COTL1: variants seen among roughly 807,000 people sequenced by gnomAD.
COTL1 encodes coactosin-like protein.
A neutral mutation model predicts 16.5 loss-of-function variants in COTL1; 15 were observed. The observed-to-expected ratio is 0.91, with a 90% confidence interval of 0.61 to 1.40. The LOEUF is 1.40. COTL1 is among the 40% of genes most tolerant of loss of function. The pLI is 0.00. For synonymous variants in COTL1, 112 were observed against 85.3 expected (o/e 1.31, Z -1.73); for missense variants, 220 against 201.5 (o/e 1.09, Z -0.56).
intron 3 of COTL1, among the ~76,000 whole-genome samples, chr16:84,579,414 G>A (rs924176718): frequency 2.0e-5 from 3 of 152,208 alleles, no homozygotes; most frequent in Non-Finnish European, 2.9e-5. Flanking sequence ...CTTGAACCAC[G>A]AGGCAGAGGT....
chr16:84,601,040 G>A (rs1380231302), intron 2 of COTL1, among the ~76,000 whole-genome samples: 1 of 152,160 alleles, frequency 6.6e-6, no homozygotes, highest in Non-Finnish European at 1.5e-5. Context: ...AGTCCCTGGA[G>A]GCTCTGAGGA....
intron 2 of COTL1, among the ~76,000 whole-genome samples, chr16:84,591,474 G>A (rs1325076128): frequency 2.8e-5 from 4 of 144,652 alleles, no homozygotes; most frequent in African/African-American, 1.1e-4. Context: ...GTGAGCCACC[G>A]CGCCCAGCCT....
intron 3 of COTL1, among the ~76,000 whole-genome samples, chr16:84,587,781 T>C (rs1047040466): frequency 1.3e-5 from 2 of 151,868 alleles, no homozygotes; most frequent in Non-Finnish European, 2.9e-5. Flanking sequence ...ATTATTTATT[T>C]ATTTATTTAT....
intron 2 of COTL1, among the ~76,000 whole-genome samples, chr16:84,607,623 C>T (rs890251101): frequency 1.3e-5 from 2 of 152,110 alleles, no homozygotes; most frequent in South Asian, 2.1e-4. Flanking sequence ...GGGACACACA[C>T]TGGAGGGGTC....
At chr16:84,615,853 T>TTGTGTG (rs112335989) in intron 2 of COTL1, among the ~76,000 whole-genome samples, 2,860 of 149,740 alleles carry the variant, frequency 0.019, 61 homozygotes, top group African/African-American at 0.053. Flanking sequence ...AATTTTAGTT[T>TTGTGTG]TGTGTGTGTG....
At chr16:84,604,895 T>A (rs1905181680) in intron 2 of COTL1, among the ~76,000 whole-genome samples, 1 of 152,252 alleles carries the variant, frequency 6.6e-6, no homozygotes, top group South Asian at 2.1e-4. Flanking sequence ...CGTAGAATTC[T>A]AGCCAGAAAC....
chr16:84,576,572 GA>G (rs1904458104), intron 3 of COTL1: 1 of 152,218 alleles, frequency 6.6e-6, no homozygotes, highest in Admixed American at 6.6e-5. Flanking sequence ...AGCGGGCTCT[GA>G]AATGCCCGGA....
intron 3 of COTL1, among the ~76,000 whole-genome samples, chr16:84,571,518 C>G (rs1008733152): frequency 6.6e-6 from 1 of 152,210 alleles, no homozygotes; most frequent in South Asian, 2.1e-4. Context: ...TCTCTCCCCC[C>G]TGCCCATCAG....
chr16:84,584,962 A>G (rs966690324), intron 3 of COTL1, among the ~76,000 whole-genome samples: 2 of 152,208 alleles, frequency 1.3e-5, no homozygotes, highest in Admixed American at 1.3e-4. Context: ...CCACCGTACT[A>G]CACCTTCCCC....
intron 2 of COTL1, among the ~76,000 whole-genome samples, chr16:84,615,185 A>G (rs565587775): frequency 6.6e-6 from 1 of 152,322 alleles, no homozygotes; most frequent in East Asian, 1.9e-4. Flanking sequence ...TAATTCTCCT[A>G]TGCATTTGTC....
chr16:84,572,753 CT>C (rs988869256), intron 3 of COTL1, among the ~76,000 whole-genome samples: 1 of 149,768 alleles, frequency 6.7e-6, no homozygotes, highest in Non-Finnish European at 1.5e-5. Context: ...TCTTTCTTTC[CT>C]TTTTTTTCTT....
At chr16:84,613,418 A>G (rs945492374) in intron 2 of COTL1, among the ~76,000 whole-genome samples, 4 of 152,218 alleles carry the variant, frequency 2.6e-5, no homozygotes, top group Non-Finnish European at 5.9e-5. Flanking sequence ...ACCGCATGGT[A>G]GAAACCTCCA....
intron 2 of COTL1, among the ~76,000 whole-genome samples, chr16:84,608,673 A>AG (rs1905259574): frequency 6.6e-6 from 1 of 152,250 alleles, no homozygotes; most frequent in Non-Finnish European, 1.5e-5. Flanking sequence ...TGAGAGGCCA[A>AG]GGCAAGTGGA....
intron 2 of COTL1, among the ~76,000 whole-genome samples, chr16:84,614,095 G>C (rs530152337): frequency 6.6e-6 from 1 of 152,364 alleles, no homozygotes; most frequent in Non-Finnish European, 1.5e-5. Flanking sequence ...GGCAGTCTTT[G>C]CTGCTGCTAG....
intron 3 of COTL1, among the ~76,000 whole-genome samples, chr16:84,579,716 G>C (rs1434791685): frequency 6.6e-6 from 1 of 152,170 alleles, no homozygotes; most frequent in African/African-American, 2.4e-5. Context: ...AAGACTAAGC[G>C]TGTGTGCTTG....
At chr16:84,592,853 G>A (rs969662796) in intron 2 of COTL1, among the ~76,000 whole-genome samples, 3 of 152,180 alleles carry the variant, frequency 2.0e-5, no homozygotes, top group African/African-American at 7.2e-5. Flanking sequence ...GGGAGCTAAG[G>A]AACACGCAGC....
intron 2 of COTL1, among the ~76,000 whole-genome samples, chr16:84,611,897 T>C (rs1306026321): frequency 6.6e-6 from 1 of 152,078 alleles, no homozygotes; most frequent in Non-Finnish European, 1.5e-5. Context: ...TGTGGCCAGG[T>C]AGATCATACA....
At chr16:84,611,776 T>C (rs1905332310) in intron 2 of COTL1, among the ~76,000 whole-genome samples, 1 of 152,212 alleles carries the variant, frequency 6.6e-6, no homozygotes, top group South Asian at 2.1e-4. Flanking sequence ...GCTTTATGAG[T>C]ATGCCACAGA....
intron 2 of COTL1, among the ~76,000 whole-genome samples, chr16:84,601,680 T>C (rs1905107657): frequency 1.3e-5 from 2 of 152,212 alleles, no homozygotes; most frequent in Admixed American, 1.3e-4. Flanking sequence ...GGTCTCGAAC[T>C]CTTGACCTCG....
Sources: allele counts gnomAD v4.1 joint callset (sites outside exome capture counted in the v4.1 genomes callset), GRCh38; gene constraint gnomAD v4.1.1; transcripts MANE v1.5; gene names NCBI Gene and HGNC (gene_info 2026-07-23, HGNC 2026-07-21).